ABCA12: variants seen among roughly 807,000 people sequenced by gnomAD.
ABCA12 encodes the protein ATP binding cassette subfamily A member 12, also known as glucosylceramide transporter ABCA12.
Under a neutral mutation model 293.5 loss-of-function variants are expected in ABCA12, and 156 were observed. That is an observed-to-expected ratio of 0.53 (90% CI 0.47 to 0.61). ABCA12 has a LOEUF of 0.61. Ranked by LOEUF, ABCA12 falls within the 20% of genes least tolerant of loss-of-function variation. The pLI is 0.00. For synonymous variants in ABCA12, 1,063 were observed against 1,108.0 expected (o/e 0.96, Z 0.81); for missense variants, 2,797 against 3,090.2 (o/e 0.91, Z 2.25).
At chr2:214,985,133 A>G (rs79258417) in intron 28 of ABCA12, among the ~76,000 whole-genome samples, 5,023 of 152,288 alleles carry the variant, frequency 0.033, 305 homozygotes, top group African/African-American at 0.11. Flanking sequence ...TACAAATAAC[A>G]TACTTTATAT....
Position 215,138,271 on chromosome 2 carries a change from A to G in ABCA12, c.-63T>C. The G allele has an allele frequency of 6.4e-7, 1 of 1,560,370 alleles. No homozygotes were observed. Among genetic ancestry groups the G allele is most frequent in the Non-Finnish European group, 8.8e-7 (1 of 1,131,180 alleles). On this transcript the variant is annotated 5_prime_UTR_variant, in exon 1 of 53. Coordinates refer to ENST00000272895, the MANE Select transcript of ABCA12 (RefSeq NM_173076.3). ...TCTCCACTCCACAAATGAAGAACTG[A>G]TGCCCCGTCCAACTTGCTGTATGTC...
At chr2:214,964,783 G>T (rs548338684) in intron 39 of ABCA12, among the ~76,000 whole-genome samples, 1 of 152,140 alleles carries the variant, frequency 6.6e-6, no homozygotes, top group South Asian at 2.1e-4. Flanking sequence ...AATCAATATC[G>T]CGAAAATGGC....
rs1699504902 is a variant in ABCA12, at chr2:214,975,906, G to A, written c.5260C>T (p.Pro1754Ser). 6.2e-7 allele frequency: 1 copy of A among 1,614,076 alleles called. No homozygotes were observed. Among genetic ancestry groups the A allele is most frequent in the African/African-American group, 1.3e-5 (1 of 75,004 alleles). The change falls in exon 34 of 53, where the codon CCC becomes TCC. Residue 1754 changes from proline to serine, a missense_variant. Physicochemically the swap from Pro to Ser is moderately conservative, Grantham distance 74. Coordinates refer to ENST00000272895, the MANE Select transcript of ABCA12 (RefSeq NM_173076.3). Reference protein sequence around the residue: ...WKGLIAQVILPIVFVTTAMGL... With the variant: ...WKGLIAQVILSIVFVTTAMGL... Reference sequence around the variant, plus strand: ...ATGGCAGTGGTAACAAAGACGATGGGGAGGATAACCTGAGCAATGAGACCT... The same window carrying A: ...ATGGCAGTGGTAACAAAGACGATGGAGAGGATAACCTGAGCAATGAGACCT...
chr2:215,076,402 T>C (rs983320218), intron 2 of ABCA12, among the ~76,000 whole-genome samples: 1 of 152,204 alleles, frequency 6.6e-6, no homozygotes, highest in African/African-American at 2.4e-5. Context: ...AGTATTTGCT[T>C]TTTCTAAGAA....
intron 7 of ABCA12, among the ~76,000 whole-genome samples, chr2:215,043,579 T>C (rs2106045914): frequency 1.3e-5 from 2 of 152,188 alleles, no homozygotes; most frequent in South Asian, 2.1e-4. Flanking sequence ...ATTTTTGTTG[T>C]TGTTGTTGTT....
At chr2:215,074,671 T>C (rs1454784969) in intron 2 of ABCA12, among the ~76,000 whole-genome samples, 3 of 152,070 alleles carry the variant, frequency 2.0e-5, no homozygotes, top group Non-Finnish European at 2.9e-5. Flanking sequence ...AGGCCAGGCG[T>C]GGAGGCTCAC....
In ABCA12 at chr2:215,138,507, C is replaced by A; in HGVS notation, c.-299G>T. The A allele has an allele frequency of 2.5e-6, 1 of 401,940 alleles. No homozygotes were observed. 24.9% of individuals were successfully genotyped at this position (401,940 alleles called of 1,614,324 possible). A position where few individuals can be genotyped will look rare whatever the true frequency, so the allele number is the denominator to read the frequency against. ...AATAATATCCAGTTGCTGCTTGTTGCACGAAGTCCAGACTCAAGAGAGAAT... is the reference window on the plus strand; with the variant it reads ...AATAATATCCAGTTGCTGCTTGTTGAACGAAGTCCAGACTCAAGAGAGAAT... On this transcript the variant is annotated 5_prime_UTR_variant, in exon 1 of 53. Coordinates refer to ENST00000272895, the MANE Select transcript of ABCA12 (RefSeq NM_173076.3).
chr2:215,105,601 G>GCACACA (rs34835810), intron 2 of ABCA12, among the ~76,000 whole-genome samples: 8 of 138,354 alleles, frequency 5.8e-5, no homozygotes, highest in Admixed American at 1.4e-4. Context: ...ACACACACAC[G>GCACACA]CACACACACA....
intron 50 of ABCA12, among the ~76,000 whole-genome samples, chr2:214,939,277 G>A (rs187069394): frequency 1.3e-5 from 2 of 152,094 alleles, no homozygotes; most frequent in African/African-American, 2.4e-5. Flanking sequence ...GGTTGTAGAT[G>A]TGTGGCATTA....
At chr2:215,072,407 T>C (rs944767689) in intron 2 of ABCA12, among the ~76,000 whole-genome samples, 8 of 152,158 alleles carry the variant, frequency 5.3e-5, no homozygotes. Flanking sequence ...TGTTGGCTTA[T>C]TGCTATTATT....
chr2:215,020,213 A>T (rs76716323), intron 11 of ABCA12, among the ~76,000 whole-genome samples: 1,270 of 124,456 alleles, frequency 0.01, 19 homozygotes, highest in African/African-American at 0.038. Flanking sequence ...ACTACTATTT[A>T]AAAAAAAAAA....
intron 36 of ABCA12, 77 bp from the exon 37 acceptor site, chr2:214,970,477 A>AGTCT (rs1344290382): frequency 5.8e-6 from 9 of 1,540,668 alleles, no homozygotes; most frequent in Non-Finnish European, 6.3e-6. Context: ...AAGGAGCTTC[A>AGTCT]GTCTCATGAT....
intron 11 of ABCA12, 81 bp downstream of exon 11, chr2:215,025,592 G>A: frequency 1.2e-6 from 1 of 828,272 alleles, no homozygotes; most frequent in South Asian, 1.6e-5. Flanking sequence ...ATTATGAGAA[G>A]TGTTAAGGTT....
At position 214,978,879 on chromosome 2, in the gene ABCA12, G is replaced by A. The variant is rs1699583447; in HGVS notation, c.4902C>T (p.Leu1634=). 2.5e-6 allele frequency: 4 copies of A among 1,613,928 alleles called. No individual in the cohort carries two copies. In the South Asian group the frequency reaches 4.4e-5, roughly 18 times the overall value. The part of the protein sequence containing the change: ...STKVSGAYLS[L]LRALDNGMGD... ...CCATGCCATTGTCGAGTGCCCGTAG[G>A]AGTGACAGGTAGGCCCCTGAGACTT... The change falls in exon 32 of 53, where the codon CTC becomes CTT. Residue 1634 remains leucine, a synonymous_variant. Transcript: ENST00000272895.
chr2:214,969,875 A>G (rs1386259173), intron 37 of ABCA12, among the ~76,000 whole-genome samples: 1 of 152,058 alleles, frequency 6.6e-6, no homozygotes. Flanking sequence ...CTACACATGA[A>G]CAACACATTT....
intron 8 of ABCA12, 169 bp from the exon 9 acceptor site, chr2:215,032,065 AT>A (rs1377465806): frequency 1.4e-6 from 2 of 1,478,534 alleles, no homozygotes; most frequent in Non-Finnish European, 1.8e-6. Context: ...TGTTGGAAAT[AT>A]TTGTGATATT....
intron 30 of ABCA12, among the ~76,000 whole-genome samples, chr2:214,980,869 C>T (rs751624392): frequency 1.5e-4 from 23 of 152,068 alleles, no homozygotes; most frequent in Non-Finnish European, 2.2e-4. Context: ...GAGGTTGAGG[C>T]GGGCAGATCA....
chr2:214,976,224 C>G (rs1559124969), intron 33 of ABCA12, among the ~76,000 whole-genome samples, 187 bp from the exon 34 acceptor site: 1 of 152,164 alleles, frequency 6.6e-6, no homozygotes, highest in Non-Finnish European at 1.5e-5. Context: ...AAACTGAGAA[C>G]TATAATATCC....
At chr2:214,988,957 T>C (rs529381863) in intron 26 of ABCA12, among the ~76,000 whole-genome samples, 2 of 151,472 alleles carry the variant, frequency 1.3e-5, no homozygotes, top group African/African-American at 4.8e-5. Flanking sequence ...GGCGGGCAGA[T>C]GACTTGAGAT....
Sources: allele counts gnomAD v4.1 joint callset (sites outside exome capture counted in the v4.1 genomes callset), GRCh38; gene constraint gnomAD v4.1.1; transcripts MANE v1.5; gene names NCBI Gene and HGNC (gene_info 2026-07-23, HGNC 2026-07-21).